BST1: variants seen among roughly 807,000 people sequenced by gnomAD.
The protein encoded by BST1 is ADP-ribosyl cyclase/cyclic ADP-ribose hydrolase 2.
Under a neutral mutation model 40.6 loss-of-function variants are expected in BST1, and 49 were observed. That is an observed-to-expected ratio of 1.21 (90% CI 0.96 to 1.53). The LOEUF (loss-of-function observed/expected upper bound fraction) is 1.53, where lower values mean the gene tolerates loss of function less well. BST1 is among the 40% of genes most tolerant of loss of function. The pLI, the probability that BST1 is intolerant of heterozygous loss-of-function variation, is 0.00. For synonymous variants in BST1, 157 were observed against 159.3 expected (o/e 0.99, Z 0.11); for missense variants, 423 against 395.9 (o/e 1.07, Z -0.58).
chr4:15,756,342 C>T, the BST1 span, among the ~76,000 whole-genome samples: 1 of 152,146 alleles, frequency 6.6e-6, no homozygotes, highest in Non-Finnish European at 1.5e-5. Flanking sequence ...TCCTATGAAG[C>T]GCCCAGCTAG....
At chr4:15,722,957 A>G in intron 8 of BST1, 23 bp downstream of exon 8, 8 of 1,608,562 alleles carry the variant, frequency 5.0e-6, no homozygotes, top group East Asian at 2.2e-5. Flanking sequence ...CTTAACCCAA[A>G]TCGTTCTTTC....
the BST1 span, among the ~76,000 whole-genome samples, chr4:15,753,327 G>A: frequency 6.6e-6 from 1 of 152,154 alleles, no homozygotes; most frequent in African/African-American, 2.4e-5. Context: ...ATTTGTGGGA[G>A]GGATTTTTTC....
At chr4:15,716,675 A>T in intron 6 of BST1, among the ~76,000 whole-genome samples, 1 of 152,228 alleles carries the variant, frequency 6.6e-6, no homozygotes, top group East Asian at 1.9e-4. Flanking sequence ...TTATACCAAG[A>T]TCTGCATTCC....
downstream of BST1, among the ~76,000 whole-genome samples, chr4:15,739,480 G>C (rs77838561): frequency 4.0e-3 from 608 of 151,898 alleles, 10 homozygotes; most frequent in African/African-American, 0.014. Context: ...TTAAAGGGTA[G>C]CTGTCAGAAT....
intron 2 of BST1, among the ~76,000 whole-genome samples, chr4:15,706,492 T>C (rs1719887668): frequency 6.6e-6 from 1 of 152,252 alleles, no homozygotes; most frequent in South Asian, 2.1e-4. Context: ...ATCTATATTC[T>C]GTATACACTC....
chr4:15,747,365 G>A, the BST1 span, among the ~76,000 whole-genome samples: 1 of 151,972 alleles, frequency 6.6e-6, no homozygotes, highest in African/African-American at 2.4e-5. Flanking sequence ...TGGCTGCCTT[G>A]CTGCCACCAA....
the BST1 span, among the ~76,000 whole-genome samples, chr4:15,770,851 A>G: frequency 6.6e-6 from 1 of 152,172 alleles, no homozygotes; most frequent in African/African-American, 2.4e-5. Flanking sequence ...ACCTGATTCA[A>G]CTCTCAAAAG....
chr4:15,773,985 C>T, the BST1 span, among the ~76,000 whole-genome samples: 62 of 152,302 alleles, frequency 4.1e-4, no homozygotes, highest in African/African-American at 1.4e-3. Context: ...TCCTAACCCT[C>T]AGTACCTTAG....
At chr4:15,755,188 G>A in the BST1 span, among the ~76,000 whole-genome samples, 36 of 152,120 alleles carry the variant, frequency 2.4e-4, no homozygotes, top group African/African-American at 8.4e-4. Context: ...GCCCAGGCTG[G>A]AGTGCAGTAG....
rs575731152 is a variant in BST1, at chr4:15,716,924, C to T, written c.704+1125C>T. Reference sequence around the variant, plus strand: ...CCGAGTAGCTGGGATTACAGGTGTCCGTTACCACGCCCAGCTGATTTTTTG... The same window carrying T: ...CCGAGTAGCTGGGATTACAGGTGTCTGTTACCACGCCCAGCTGATTTTTTG... On this transcript the variant is annotated intron_variant, in intron 6 of 8. Transcript: ENST00000265016. Among the ~76,000 whole-genome samples the T allele has an allele frequency of 2.0e-5, 3 of 152,062 alleles. No homozygotes were observed. The South Asian group carries it at 6.2e-4, about 32-fold the overall frequency.
At chr4:15,756,378 A>T in the BST1 span, among the ~76,000 whole-genome samples, 4 of 152,144 alleles carry the variant, frequency 2.6e-5, no homozygotes, top group African/African-American at 7.2e-5. Flanking sequence ...CTCATTTTCA[A>T]TCGTGGTTTG....
the BST1 span, among the ~76,000 whole-genome samples, chr4:15,770,997 G>A: frequency 1.3e-5 from 2 of 152,130 alleles, no homozygotes; most frequent in Non-Finnish European, 2.9e-5. Context: ...TTAAGTGCTG[G>A]GCTATACAGG....
chr4:15,704,834 T>C lies in BST1; in HGVS notation c.189-681T>C, dbSNP rs1453041610. On this transcript the variant is annotated intron_variant, in intron 1 of 8. Coordinates refer to ENST00000265016, the MANE Select transcript of BST1 (RefSeq NM_004334.3). Reference sequence around the variant, plus strand: ...TTCTTGCCAGTGCTGCATTTCTTACTGATTTTTGTTCCTTCTGTGGCCCCC... The same window carrying C: ...TTCTTGCCAGTGCTGCATTTCTTACCGATTTTTGTTCCTTCTGTGGCCCCC... The C allele has an allele frequency of 1.5e-5, 11 of 713,010 alleles. No individual in the cohort carries two copies. In the East Asian group the frequency reaches 2.7e-4, roughly 17 times the overall value. 44.2% of individuals were successfully genotyped at this position (713,010 alleles called of 1,614,324 possible). A position where few individuals can be genotyped will look rare whatever the true frequency, so the allele number is the denominator to read the frequency against.
Position 15,715,870 on chromosome 4 carries a change from CGTTT to C in BST1, c.704+72_704+75del, listed in dbSNP as rs1720490181. On this transcript the variant is annotated intron_variant, in intron 6 of 8. Transcript: ENST00000265016. ...TTCTTGTATATAATATGATAAAGTT[CGTTT>C]AACATTTTCAGTTTAGGGGAAATGA... The C allele has an allele frequency of 6.1e-6, 7 of 1,156,268 alleles. No homozygotes were observed. In the African/African-American group the frequency reaches 1.1e-4, roughly 19 times the overall value. 71.6% of individuals were successfully genotyped at this position (1,156,268 alleles called of 1,614,324 possible). A position where few individuals can be genotyped will look rare whatever the true frequency, so the allele number is the denominator to read the frequency against.
intron 7 of BST1, among the ~76,000 whole-genome samples, chr4:15,720,664 A>G (rs1720760451): frequency 6.6e-6 from 1 of 151,678 alleles, no homozygotes; most frequent in Admixed American, 6.6e-5. Flanking sequence ...AGTGGCATGC[A>G]CCTGTAGTTC....
At chr4:15,760,518 A>T in the BST1 span, among the ~76,000 whole-genome samples, 1 of 151,862 alleles carries the variant, frequency 6.6e-6, no homozygotes, top group Non-Finnish European at 1.5e-5. Flanking sequence ...AAAGTAGCTG[A>T]GGGCAGGGAT....
intron 3 of BST1, among the ~76,000 whole-genome samples, chr4:15,708,312 A>G (rs1720006345): frequency 6.6e-6 from 1 of 151,940 alleles, no homozygotes; most frequent in Non-Finnish European, 1.5e-5. Context: ...TTCTGCAAAC[A>G]CTCCTCATTC....
chr4:15,746,604 G>A, the BST1 span, among the ~76,000 whole-genome samples: 1 of 152,142 alleles, frequency 6.6e-6, no homozygotes, highest in Non-Finnish European at 1.5e-5. Context: ...CTTCATGAAG[G>A]CTCTGCCTCT....
At chr4:15,714,641 A>G (rs1252202051) in intron 4 of BST1, among the ~76,000 whole-genome samples, 1 of 152,218 alleles carries the variant, frequency 6.6e-6, no homozygotes, top group East Asian at 1.9e-4. Flanking sequence ...GAATTGCTGC[A>G]CTATACATCT....
Sources: gnomAD v4.1 joint callset for allele counts (sites outside exome capture counted in the v4.1 genomes callset) on GRCh38, gnomAD v4.1.1 for gene constraint, MANE v1.5 for transcripts, NCBI Gene and HGNC (gene_info 2026-07-23, HGNC 2026-07-21) for gene names.